The following ASIC2 variants were observed in gnomAD, a reference collection of about 807,000 sequenced individuals.
ASIC2 encodes the protein acid sensing ion channel subunit 2.
In ASIC2, 25 loss-of-function variants were observed where a neutral mutation model predicts 57.3. The observed-to-expected ratio is 0.44, with a 90% CI of 0.32 to 0.61. The LOEUF is 0.61. ASIC2 is among the 20% of genes least tolerant of loss of function. The pLI, the probability that ASIC2 is intolerant of heterozygous loss-of-function variation, is 0.06. For missense variants in ASIC2, 641 were observed against 738.1 expected (o/e 0.87, Z 1.52); for synonymous variants, 319 against 307.5 (o/e 1.04, Z -0.39).
At chr17:33,661,957 T>C (rs891892265) in intron 1 of ASIC2, among the ~76,000 whole-genome samples, 2 of 152,136 alleles carry the variant, frequency 1.3e-5, no homozygotes, top group South Asian at 4.1e-4. Context: ...CCCCCTCTAC[T>C]CATCCCTACT....
chr17:33,021,508 C>T (rs1410649064), intron 6 of ASIC2, among the ~76,000 whole-genome samples, 198 bp from the exon 7 acceptor site: 6 of 152,254 alleles, frequency 3.9e-5, no homozygotes, highest in Admixed American at 1.3e-4. Flanking sequence ...GTCTGGAGGC[C>T]TACATCAGTT....
At chr17:34,033,352 C>T (rs568517093) in intron 1 of ASIC2, among the ~76,000 whole-genome samples, 80 of 152,130 alleles carry the variant, frequency 5.3e-4, no homozygotes, top group Middle Eastern at 6.8e-3. Context: ...ATCTCTGGGA[C>T]ACATTCAAAG....
chr17:33,552,515 A>G lies in ASIC2; in HGVS notation c.556-440448T>C, dbSNP rs565940712. ...ACAACAGGGACTTGGTGTCCAGCAGACGTGGGTTCCAGTTCCAGCTCTTGC... is the reference window on the plus strand; with the variant it reads ...ACAACAGGGACTTGGTGTCCAGCAGGCGTGGGTTCCAGTTCCAGCTCTTGC... On this transcript the variant is annotated intron_variant, in intron 1 of 9. Transcript: ENST00000359872. 2.0e-5 allele frequency among the ~76,000 whole-genome samples: 3 copies of G among 152,342 alleles called. No individual in the cohort carries two copies. The South Asian group carries it at 6.2e-4, about 32-fold the overall frequency.
At chr17:33,458,014 TG>T (rs1409942847) in intron 1 of ASIC2, among the ~76,000 whole-genome samples, 8 of 151,912 alleles carry the variant, frequency 5.3e-5, no homozygotes, top group Non-Finnish European at 1.5e-5. Context: ...CAAAGTGCTG[TG>T]GGGGAAGGGG....
At chr17:33,096,077 C>T (rs546890514) in intron 2 of ASIC2, among the ~76,000 whole-genome samples, 69 of 152,182 alleles carry the variant, frequency 4.5e-4, no homozygotes, top group Non-Finnish European at 7.5e-4. Context: ...TGTGGGTGTG[C>T]ATGCAGACGT....
At chr17:33,566,310 C>T (rs79140081) in intron 1 of ASIC2, among the ~76,000 whole-genome samples, 5,571 of 152,244 alleles carry the variant, frequency 0.037, 116 homozygotes, top group Middle Eastern at 0.058. Flanking sequence ...AATGGTAGAT[C>T]CTTTTATTTT....
chr17:33,772,847 G>A (rs1293948006), intron 1 of ASIC2, among the ~76,000 whole-genome samples: 1 of 152,156 alleles, frequency 6.6e-6, no homozygotes, highest in East Asian at 1.9e-4. Context: ...GTGTGGTCTT[G>A]TTGAAATTAT....
intron 1 of ASIC2, among the ~76,000 whole-genome samples, chr17:33,956,488 TC>T (rs779705966): frequency 1.8e-4 from 27 of 152,094 alleles, no homozygotes; most frequent in Non-Finnish European, 3.1e-4. Flanking sequence ...CCAACCTCCA[TC>T]TCTGCTTTCC....
intron 1 of ASIC2, among the ~76,000 whole-genome samples, chr17:33,840,316 C>A (rs1913395669): frequency 6.6e-6 from 1 of 152,100 alleles, no homozygotes; most frequent in Non-Finnish European, 1.5e-5. Flanking sequence ...AATAGAGAGT[C>A]ATTGAAACGT....
intron 3 of ASIC2, among the ~76,000 whole-genome samples, chr17:33,084,684 G>A (rs1188585925): frequency 6.6e-6 from 1 of 152,220 alleles, no homozygotes; most frequent in Non-Finnish European, 1.5e-5. Flanking sequence ...CAGGTAGCAT[G>A]TGCTCCATTG....
intron 1 of ASIC2, among the ~76,000 whole-genome samples, chr17:33,943,845 C>T (rs1346199967): frequency 3.9e-5 from 6 of 152,066 alleles, no homozygotes; most frequent in Admixed American, 2.0e-4. Context: ...TTGTTATCCC[C>T]GTTTTATTGG....
chr17:33,315,302 G>A (rs1906600152), intron 1 of ASIC2, among the ~76,000 whole-genome samples: 1 of 152,174 alleles, frequency 6.6e-6, no homozygotes, highest in Non-Finnish European at 1.5e-5. Context: ...CAGAACCCAG[G>A]GAGGGAGAAA....
chr17:33,247,620 C>T (rs1028339634), intron 1 of ASIC2, among the ~76,000 whole-genome samples: 10 of 152,156 alleles, frequency 6.6e-5, no homozygotes, highest in African/African-American at 2.2e-4. Context: ...GAGAGTCTAC[C>T]CGTGTCTACT....
intron 3 of ASIC2, among the ~76,000 whole-genome samples, chr17:33,036,765 C>T (rs1197885055): frequency 6.6e-6 from 1 of 152,114 alleles, no homozygotes; most frequent in African/African-American, 2.4e-5. Context: ...CCTTGCTCTA[C>T]TTTGTCATGT....
intron 1 of ASIC2, among the ~76,000 whole-genome samples, chr17:33,967,415 T>C (rs1905105850): frequency 1.3e-5 from 2 of 152,126 alleles, no homozygotes. Flanking sequence ...TTTGTATTTT[T>C]TGAAAGACGT....
chr17:33,336,910 A>G (rs1164309491), intron 1 of ASIC2, among the ~76,000 whole-genome samples: 2 of 152,086 alleles, frequency 1.3e-5, no homozygotes, highest in African/African-American at 4.8e-5. Context: ...GAGGCTCTGA[A>G]TCTACACAAA....
chr17:34,034,217 C>A (rs1019093904), intron 1 of ASIC2, among the ~76,000 whole-genome samples: 11 of 152,154 alleles, frequency 7.2e-5, no homozygotes, highest in Non-Finnish European at 1.5e-4. Context: ...ATATGCAAAT[C>A]AATAAATGTA....
chr17:33,291,754 T>C lies in ASIC2; in HGVS notation c.362A>G (p.His121Arg), dbSNP rs1030735080. 1.9e-6 allele frequency: 3 copies of C among 1,613,264 alleles called. No individual in the cohort carries two copies. The highest frequency in any genetic ancestry group is 2.7e-5 in the African/African-American group (2 of 74,916). ...WLSFPSHTRV[H>R]REWSRQLPFP... ...GGGTAACTGGCGGCTCCACTCGCGG[T>C]GCACCCGCGTGTGTGACGGGAAGCT... Residue 121 changes from histidine (H) to arginine (R), a missense_variant, in exon 1 of 10, where the codon CAC becomes CGC. His to Arg is a conservative substitution (Grantham distance 29, BLOSUM62 0). This residue lies in a region of ASIC2 where 382 missense variants were observed against 398.0 expected (regional missense o/e 0.96). Transcript: ENST00000225823.
intron 1 of ASIC2, among the ~76,000 whole-genome samples, chr17:34,045,825 ATAC>A (rs1908314598): frequency 6.6e-6 from 1 of 152,208 alleles, no homozygotes; most frequent in African/African-American, 2.4e-5. Flanking sequence ...ATAACCCTGT[ATAC>A]AGACACCATT....
Sources: allele counts gnomAD v4.1 joint callset (sites outside exome capture counted in the v4.1 genomes callset), GRCh38; gene constraint gnomAD v4.1.1; regional missense constraint gnomAD v4.1.1; transcripts MANE v1.5; gene names NCBI Gene and HGNC (gene_info 2026-07-23, HGNC 2026-07-21).